PPFIA2: variants seen among roughly 807,000 people sequenced by gnomAD.
PPFIA2 encodes the protein liprin-alpha-2.
A neutral mutation model predicts 175.5 loss-of-function variants in PPFIA2; 46 were observed. The ratio of observed to expected loss-of-function variants is 0.26; its 90% CI spans 0.21 to 0.34. The LOEUF (loss-of-function observed/expected upper bound fraction) is 0.34. Among genes scored for constraint, PPFIA2 ranks in the 10% least tolerant of loss-of-function variants. The pLI, the probability that PPFIA2 is intolerant of heterozygous loss-of-function variation, is 1.00. For missense variants in PPFIA2, 1,179 were observed against 1,506.1 expected (o/e 0.78, Z 3.60); for synonymous variants, 568 against 511.4 (o/e 1.11, Z -1.49).
At chr12:81,360,746 T>C (rs1384707933) in intron 15 of PPFIA2, among the ~76,000 whole-genome samples, 1 of 151,394 alleles carries the variant, frequency 6.6e-6, no homozygotes, top group Non-Finnish European at 1.5e-5. Flanking sequence ...ATAATTGTTG[T>C]TTAATAAATA....
At chr12:81,293,142 A>G (rs999591659) in intron 24 of PPFIA2, among the ~76,000 whole-genome samples, 1 of 152,032 alleles carries the variant, frequency 6.6e-6, no homozygotes, top group African/African-American at 2.4e-5. Context: ...GCTAAAATTT[A>G]TCTCATTCTC....
intron 23 of PPFIA2, among the ~76,000 whole-genome samples, chr12:81,298,803 T>C (rs2047110876): frequency 6.6e-6 from 1 of 152,220 alleles, no homozygotes; most frequent in Admixed American, 6.5e-5. Context: ...GAATAAGGTG[T>C]AAGTCTTCTG....
In PPFIA2 at chr12:81,368,307, C is replaced by T. The variant is rs1295887406; in HGVS notation, c.1482+418G>A. The T allele has an allele frequency of 6.2e-6, 3 of 480,976 alleles. No homozygotes were observed. In the Admixed American group the frequency reaches 9.5e-5, roughly 15 times the overall value. 29.8% of individuals were successfully genotyped at this position (480,976 alleles called of 1,614,324 possible). ...TAGTTCTTTTGATGATATAAACTCA[C>T]TTACATTTTGACTTTTAGACTGGTG... On this transcript the variant is annotated intron_variant, in intron 13 of 32. Transcript: ENST00000549396.
chr12:81,414,181 ATAT>A (rs906451933), intron 7 of PPFIA2, among the ~76,000 whole-genome samples: 6 of 151,790 alleles, frequency 4.0e-5, no homozygotes, highest in Admixed American at 4.0e-4. Flanking sequence ...CATTTTAAAA[ATAT>A]TATGCTGTAA....
chr12:81,450,050 T>C (rs1025927388), intron 5 of PPFIA2, among the ~76,000 whole-genome samples: 3 of 152,190 alleles, frequency 2.0e-5, no homozygotes, highest in East Asian at 1.9e-4. Context: ...TGATGGACAT[T>C]TGGGTTAGTT....
At chr12:81,381,487 C>G (rs776423228) in intron 9 of PPFIA2, among the ~76,000 whole-genome samples, 6 of 152,032 alleles carry the variant, frequency 3.9e-5, no homozygotes, top group Non-Finnish European at 7.3e-5. Flanking sequence ...ATTAATAGAG[C>G]AATGAGTACT....
chr12:81,338,023 T>C (rs1348953757), intron 21 of PPFIA2, among the ~76,000 whole-genome samples: 2 of 152,072 alleles, frequency 1.3e-5, no homozygotes, highest in Non-Finnish European at 2.9e-5. Flanking sequence ...TGGCCACACA[T>C]CAGTTTCCTG....
intron 22 of PPFIA2, among the ~76,000 whole-genome samples, chr12:81,324,537 G>A (rs10746188): frequency 6.6e-6 from 1 of 151,938 alleles, no homozygotes; most frequent in Admixed American, 6.6e-5. Context: ...AATCAACTGC[G>A]AACATTTAAA....
chr12:81,437,809 A>C (rs1025653218), intron 7 of PPFIA2, among the ~76,000 whole-genome samples: 7 of 152,032 alleles, frequency 4.6e-5, no homozygotes, highest in Admixed American at 3.9e-4. Context: ...GAACAAGTAC[A>C]CCCCATCCTG....
At chr12:81,716,837 G>T (rs184884577) in intron 3 of PPFIA2, among the ~76,000 whole-genome samples, 8 of 151,478 alleles carry the variant, frequency 5.3e-5, no homozygotes, top group Non-Finnish European at 1.2e-4. Flanking sequence ...AAAGAGGTGC[G>T]AATGCTTTGG....
chr12:81,535,147 G>A (rs2065193665), intron 4 of PPFIA2, among the ~76,000 whole-genome samples: 1 of 151,628 alleles, frequency 6.6e-6, no homozygotes, highest in African/African-American at 2.4e-5. Context: ...GCCTATATTG[G>A]GTGAAATGTT....
chr12:81,567,566 A>C (rs2071596615), intron 4 of PPFIA2, among the ~76,000 whole-genome samples: 1 of 152,164 alleles, frequency 6.6e-6, no homozygotes. Flanking sequence ...GGGTCTACAG[A>C]TTGAGTCCAA....
At chr12:81,643,030 CATTT>C (rs1418196243) in intron 4 of PPFIA2, among the ~76,000 whole-genome samples, 2 of 145,640 alleles carry the variant, frequency 1.4e-5, no homozygotes, top group East Asian at 4.0e-4. Context: ...ATATCTATGA[CATTT>C]ATTATTACAT....
intron 4 of PPFIA2, among the ~76,000 whole-genome samples, chr12:81,490,558 G>C (rs1813696035): frequency 6.6e-6 from 1 of 151,920 alleles, no homozygotes; most frequent in Non-Finnish European, 1.5e-5. Flanking sequence ...TGTGTATTTA[G>C]CTCCTATGGC....
chr12:81,464,380 A>G (rs908607704), intron 4 of PPFIA2, among the ~76,000 whole-genome samples: 10 of 152,234 alleles, frequency 6.6e-5, no homozygotes, highest in African/African-American at 2.4e-4. Context: ...AACCCATTCT[A>G]TTGTATGGCA....
At chr12:81,493,754 CTATATATA>C (rs5799531) in intron 4 of PPFIA2, among the ~76,000 whole-genome samples, 8,139 of 102,088 alleles carry the variant, frequency 0.08, 375 homozygotes, top group Middle Eastern at 0.17. Flanking sequence ...GTGTGTGTGT[CTATATATA>C]TATATATATA....
At chr12:81,641,914 T>C (rs576334169) in intron 4 of PPFIA2, among the ~76,000 whole-genome samples, 1 of 152,348 alleles carries the variant, frequency 6.6e-6, no homozygotes, top group East Asian at 1.9e-4. Flanking sequence ...CTGAACTTCT[T>C]ACTATTCTCC....
At chr12:81,366,074 CT>C (rs1407018678) in intron 14 of PPFIA2, among the ~76,000 whole-genome samples, 9 of 142,688 alleles carry the variant, frequency 6.3e-5, no homozygotes, top group Admixed American at 2.9e-4. Context: ...CCTTCCCTCC[CT>C]TCTTTCTTCC....
At chr12:81,388,593 C>A (rs960271399) in intron 8 of PPFIA2, among the ~76,000 whole-genome samples, 2 of 151,894 alleles carry the variant, frequency 1.3e-5, no homozygotes, top group Admixed American at 1.3e-4. Flanking sequence ...TACGGAGGCA[C>A]ATATATTTAT....
Sources: allele counts gnomAD v4.1 joint callset (sites outside exome capture counted in the v4.1 genomes callset), GRCh38; gene constraint gnomAD v4.1.1; transcripts MANE v1.5; gene names NCBI Gene and HGNC (gene_info 2026-07-23, HGNC 2026-07-21).